Variants in FAM222B observed in about 807,000 individuals in gnomAD.
FAM222B encodes the protein family with sequence similarity 222 member B, also known as protein FAM222B.
In FAM222B, 12 loss-of-function variants were observed where a neutral mutation model predicts 38.0. The ratio of observed to expected loss-of-function variants is 0.32; its 90% CI spans 0.20 to 0.51. The LOEUF is 0.51. Among genes scored for constraint, FAM222B ranks in the 20% least tolerant of loss-of-function variants. The pLI, the probability that FAM222B is intolerant of heterozygous loss-of-function variation, is 0.97. For synonymous variants in FAM222B, 329 were observed against 317.2 expected (o/e 1.04, Z -0.40); for missense variants, 716 against 754.2 (o/e 0.95, Z 0.59).
chr17:28,838,556 G>A (rs2038928881), intron 1 of FAM222B, among the ~76,000 whole-genome samples: 2 of 151,470 alleles, frequency 1.3e-5, no homozygotes. Flanking sequence ...CTCCAGTCTG[G>A]GCGACAGAGA....
Position 28,758,199 on chromosome 17 carries a change from C to G in FAM222B, c.*71G>C. On this transcript the variant is annotated 3_prime_UTR_variant, in exon 3 of 3. Coordinates refer to ENST00000581407, the MANE Select transcript of FAM222B (RefSeq NM_001077498.3). The stretch of plus-strand genomic sequence containing the variant: ...TGGAGCAGTGAAACTTTGAAACTAT[C>G]CAGTTACTTAAAAGACTAAACCTAG... 1 of 1,276,348 alleles carries G rather than the reference C, an allele frequency of 7.8e-7. No individual in the cohort carries two copies. The highest frequency in any genetic ancestry group is 1.1e-6 in the Non-Finnish European group (1 of 918,582). 79.1% of individuals were successfully genotyped at this position (1,276,348 alleles called of 1,614,324 possible).
chr17:28,761,026 G>C (rs988428878), intron 2 of FAM222B, among the ~76,000 whole-genome samples: 8 of 152,250 alleles, frequency 5.3e-5, no homozygotes, highest in African/African-American at 1.9e-4. Flanking sequence ...AGTCCTTTCA[G>C]TCCTGAGAGC....
intron 1 of FAM222B, among the ~76,000 whole-genome samples, chr17:28,803,386 A>G (rs2037329612): frequency 6.6e-6 from 1 of 151,912 alleles, no homozygotes; most frequent in Non-Finnish European, 1.5e-5. Context: ...GCTCACTGCA[A>G]CCTCGAACTC....
At chr17:28,828,904 CTT>C (rs879920718) in intron 1 of FAM222B, among the ~76,000 whole-genome samples, 10 of 144,414 alleles carry the variant, frequency 6.9e-5, no homozygotes, top group African/African-American at 1.0e-4. Flanking sequence ...CAACTCTCTA[CTT>C]TTTTTTTTTT....
upstream of FAM222B, among the ~76,000 whole-genome samples, chr17:28,843,140 T>G (rs554745772): frequency 5.7e-3 from 853 of 148,606 alleles, 6 homozygotes; most frequent in African/African-American, 0.02. Flanking sequence ...ATTTGGGTCT[T>G]TTTTTTTTTT....
chr17:28,849,356 G>T (rs907715473), intron 1 of FAM222B: 5 of 152,252 alleles, frequency 3.3e-5, no homozygotes, highest in African/African-American at 1.2e-4. Flanking sequence ...GGAGCCTTGA[G>T]TAGAGTTGTT....
chr17:28,759,443 C>T lies in FAM222B; in HGVS notation c.516G>A (p.Leu172=). Residue 172 remains leucine (L), a synonymous_variant, in exon 3 of 3, where the codon CTG becomes CTA. Coordinates refer to ENST00000581407, the MANE Select transcript of FAM222B (RefSeq NM_001077498.3). This position sits in a 1 kb window ranked among gnomAD's most constrained non-coding sequence, Gnocchi z 4.8. ...QTLAHAPPQT[L]QHPQGIPPPQ... is the part of the protein sequence containing the mutation. Reference sequence around the variant, plus strand: ...GTGGCGGGATACCCTGAGGGTGCTGCAGCGTCTGGGGAGGGGCATGGGCCA... The same window carrying T: ...GTGGCGGGATACCCTGAGGGTGCTGTAGCGTCTGGGGAGGGGCATGGGCCA... 1 of 1,574,442 alleles carries T rather than the reference C, an allele frequency of 6.4e-7. No homozygotes were observed. Among genetic ancestry groups the T allele is most frequent in the Non-Finnish European group, 8.6e-7 (1 of 1,162,282 alleles).
At chr17:28,854,682 A>T (rs1185989036) in intron 1 of FAM222B, among the ~76,000 whole-genome samples, 2 of 152,246 alleles carry the variant, frequency 1.3e-5, no homozygotes, top group East Asian at 3.9e-4. Context: ...CCACTCCCAC[A>T]ACCATTCCTC....
chr17:28,778,699 A>G lies in FAM222B; in HGVS notation c.-40-11992T>C, dbSNP rs571486594. ...TTTTTTTGTGTGTGTGTGTGTGTGT[A>G]TATATATATATATATATATATTTTT... On this transcript the variant is annotated intron_variant, in intron 1 of 2. Transcript: ENST00000581407. Among the ~76,000 whole-genome samples the G allele has an allele frequency of 3.4e-3, 225 of 66,714 alleles. 5 individuals are homozygous for G. Among genetic ancestry groups the G allele is most frequent in the South Asian group, 0.026 (36 of 1,406 alleles). The allele number at this position is 66,714 out of a possible 152,430, so 43.8% of individuals were successfully genotyped here.
chr17:28,802,744 A>C (rs1350946024), intron 1 of FAM222B: 3 of 156,200 alleles, frequency 1.9e-5, no homozygotes, highest in African/African-American at 7.2e-5. Flanking sequence ...AAATTCACTA[A>C]AACAAGCTCT....
intron 1 of FAM222B, among the ~76,000 whole-genome samples, chr17:28,790,884 C>CATTTTTT (rs71135852): frequency 0.056 from 4,857 of 86,020 alleles, 1,707 homozygotes; most frequent in Admixed American, 0.086. Context: ...AATTGTTTCA[C>CATTTTTT]TTTTTTTTTT....
chr17:28,790,609 C>T (rs2036616183), intron 1 of FAM222B, among the ~76,000 whole-genome samples: 2 of 152,072 alleles, frequency 1.3e-5, no homozygotes, highest in Admixed American at 6.6e-5. Context: ...GTGATTCTGA[C>T]CTGGATCCTT....
intron 1 of FAM222B, among the ~76,000 whole-genome samples, chr17:28,840,898 T>C (rs2039014727): frequency 6.6e-6 from 1 of 151,420 alleles, no homozygotes; most frequent in African/African-American, 2.4e-5. Flanking sequence ...GAGGCGGAGG[T>C]TGCAGTGAAC....
upstream of FAM222B, among the ~76,000 whole-genome samples, chr17:28,847,429 C>G (rs1306804488): frequency 1.3e-5 from 2 of 151,384 alleles, no homozygotes; most frequent in Non-Finnish European, 1.5e-5. Context: ...CCCATCTCTA[C>G]TAAAAATACA....
chr17:28,812,947 A>T lies in FAM222B; in HGVS notation c.-41+29735T>A, dbSNP rs2037854424. Among the ~76,000 whole-genome samples, 3 of 133,074 alleles carry T rather than the reference A, an allele frequency of 2.3e-5. No individual in the cohort carries two copies. In the Admixed American group the frequency reaches 2.7e-4, roughly 12 times the overall value. The allele number at this position is 133,074 out of a possible 152,430, so 87.3% of individuals were successfully genotyped here. Reference sequence around the variant, plus strand: ...CACTGTAACAGTGGACGGATTTAGGATTGCATATTAAATCAACTGCACACA... The same window carrying T: ...CACTGTAACAGTGGACGGATTTAGGTTTGCATATTAAATCAACTGCACACA... On this transcript the variant is annotated intron_variant, in intron 1 of 2. Transcript: ENST00000581407.
upstream of FAM222B, among the ~76,000 whole-genome samples, chr17:28,844,435 G>A (rs1416738175): frequency 6.6e-6 from 1 of 152,130 alleles, no homozygotes; most frequent in Non-Finnish European, 1.5e-5. Flanking sequence ...CGAGGCGGGC[G>A]GATCATGAGG....
intron 1 of FAM222B, among the ~76,000 whole-genome samples, chr17:28,789,079 C>CAAAAAAAAAAA: frequency 1.6e-5 from 1 of 63,456 alleles, no homozygotes; most frequent in Non-Finnish European, 3.0e-5. Flanking sequence ...AAAGATACCT[C>CAAAAAAAAAAA]AAAAAAAAAA....
chr17:28,833,900 T>C (rs1218417012), intron 1 of FAM222B, among the ~76,000 whole-genome samples: 3 of 152,200 alleles, frequency 2.0e-5, no homozygotes, highest in Non-Finnish European at 4.4e-5. Context: ...ATTTCCCAGA[T>C]ACCTCAAATC....
intron 1 of FAM222B, among the ~76,000 whole-genome samples, chr17:28,801,451 CAAAAAAAA>C (rs766189732): frequency 0.082 from 7,396 of 90,348 alleles, 288 homozygotes; most frequent in Non-Finnish European, 0.11. Flanking sequence ...GACTCCGTCT[CAAAAAAAA>C]AAAAAAAAAA....
Sources: allele counts gnomAD v4.1 joint callset (sites outside exome capture counted in the v4.1 genomes callset), GRCh38; gene constraint gnomAD v4.1.1; non-coding constraint Gnocchi (gnomAD v3.1); transcripts MANE v1.5; gene names NCBI Gene and HGNC (gene_info 2026-07-23, HGNC 2026-07-21).